Variants in IFT74 observed in about 807,000 individuals in gnomAD.
IFT74 encodes the protein intraflagellar transport protein 74 homolog.
A neutral mutation model predicts 96.7 loss-of-function variants in IFT74; 92 were observed. The observed-to-expected ratio is 0.95, with a 90% confidence interval of 0.80 to 1.13. The LOEUF is 1.13. Among genes scored for constraint, IFT74 ranks in the 50% most tolerant of loss-of-function variants. IFT74 has a pLI of 0.00. For missense variants in IFT74, 811 were observed against 698.2 expected (o/e 1.16, Z -1.82); for synonymous variants, 223 against 213.2 (o/e 1.05, Z -0.40).
At chr9:27,020,826 G>C (rs541956783) in intron 12 of IFT74, among the ~76,000 whole-genome samples, 3 of 152,140 alleles carry the variant, frequency 2.0e-5, no homozygotes, top group Admixed American at 2.0e-4. Flanking sequence ...TGGTTACATG[G>C]ATAATTTCTT....
chr9:26,975,731 G>C (rs988960927), intron 2 of IFT74, among the ~76,000 whole-genome samples: 1 of 152,160 alleles, frequency 6.6e-6, no homozygotes, highest in African/African-American at 2.4e-5. Context: ...AGGCTCTGAG[G>C]CTCAATCCCT....
chr9:26,950,081 G>A (rs1825882329), intron 1 of IFT74, among the ~76,000 whole-genome samples: 1 of 152,168 alleles, frequency 6.6e-6, no homozygotes. Context: ...GGGAGGCCAA[G>A]GCAGGTGGAT....
chr9:27,045,468 T>G (rs1819660191), intron 14 of IFT74, among the ~76,000 whole-genome samples: 1 of 152,182 alleles, frequency 6.6e-6, no homozygotes, highest in South Asian at 2.1e-4. Flanking sequence ...TATTTAGCTT[T>G]CCATAATACT....
intron 8 of IFT74, chr9:26,995,647 C>G: frequency 6.2e-7 from 1 of 1,613,788 alleles, no homozygotes; most frequent in Non-Finnish European, 8.5e-7. Flanking sequence ...TTTCTGGTAT[C>G]TGTGAAAGAG....
At chr9:27,026,269 A>G (rs1829855875) in intron 12 of IFT74, among the ~76,000 whole-genome samples, 1 of 152,202 alleles carries the variant, frequency 6.6e-6, no homozygotes, top group African/African-American at 2.4e-5. Flanking sequence ...GACTAATCAA[A>G]CAGGAAAATA....
Position 27,040,936 on chromosome 9 carries a change from T to C in IFT74, c.1055-3806T>C, listed in dbSNP as rs144029972. Among the ~76,000 whole-genome samples the C allele has an allele frequency of 6.6e-5, 10 of 152,280 alleles. No homozygotes were observed. In the East Asian group the frequency reaches 1.7e-3, roughly 27 times the overall value. On this transcript the variant is annotated intron_variant, in intron 13 of 19. Coordinates refer to ENST00000380062, the MANE Select transcript of IFT74 (RefSeq NM_025103.4). ...AGTAAAAGTATGGGGTGAACTTCCC[T>C]TGCAGTGAGGACAGAGGTAGTTTTG...
intron 8 of IFT74, chr9:27,005,639 C>G (rs1828737412): frequency 6.6e-6 from 1 of 151,362 alleles, no homozygotes; most frequent in East Asian, 1.9e-4. Context: ...GAAATTAACT[C>G]TGTTTCAACG....
At chr9:27,027,384 T>A (rs184853796) in intron 12 of IFT74, among the ~76,000 whole-genome samples, 1 of 152,154 alleles carries the variant, frequency 6.6e-6, no homozygotes, top group Non-Finnish European at 1.5e-5. Flanking sequence ...TATCAGACTT[T>A]CAAAGAATTG....
intron 8 of IFT74, among the ~76,000 whole-genome samples, chr9:26,992,591 G>A (rs578241422): frequency 6.6e-6 from 1 of 151,942 alleles, no homozygotes; most frequent in African/African-American, 2.4e-5. Flanking sequence ...TACTCAGGAG[G>A]CTGAGGCACG....
intron 2 of IFT74, among the ~76,000 whole-genome samples, chr9:26,969,347 T>A (rs1187434690): frequency 6.6e-6 from 1 of 152,032 alleles, no homozygotes; most frequent in Non-Finnish European, 1.5e-5. Flanking sequence ...TCTTTTTTTT[T>A]AAACTGTTTT....
At chr9:26,951,133 T>C (rs1187097376) in intron 1 of IFT74, among the ~76,000 whole-genome samples, 1 of 152,238 alleles carries the variant, frequency 6.6e-6, no homozygotes, top group Non-Finnish European at 1.5e-5. Flanking sequence ...GGACTAAACA[T>C]CACAGTTTGT....
chr9:26,993,055 T>G (rs942447710), intron 8 of IFT74: 4 of 152,254 alleles, frequency 2.6e-5, no homozygotes, highest in Non-Finnish European at 5.9e-5. Flanking sequence ...AATGATTCTC[T>G]TCTAATCCTG....
intron 12 of IFT74, among the ~76,000 whole-genome samples, chr9:27,025,096 G>T (rs543342861): frequency 6.6e-6 from 1 of 152,058 alleles, no homozygotes; most frequent in Admixed American, 6.6e-5. Context: ...ATGTATTTGA[G>T]GGAATAATCA....
rs190055321 is a variant in IFT74 at position 26,963,763 on chromosome 9, G to A, written c.120+1676G>A. 9.9e-3 allele frequency among the ~76,000 whole-genome samples: 1,500 copies of A among 152,170 alleles called. 19 individuals are homozygous for A. Among genetic ancestry groups the A allele is most frequent in the African/African-American group, 0.034 (1,409 of 41,470 alleles). Reference sequence around the variant, plus strand: ...TTGGCTGCATAAATGTCTTCTTTTGGGAAGTGTCGGTTGATGTCTTTCGCC... The same window carrying A: ...TTGGCTGCATAAATGTCTTCTTTTGAGAAGTGTCGGTTGATGTCTTTCGCC... On this transcript the variant is annotated intron_variant, in intron 2 of 19. Coordinates refer to ENST00000380062, the MANE Select transcript of IFT74 (RefSeq NM_025103.4).
At chr9:27,023,480 C>T (rs1035483013) in intron 12 of IFT74, among the ~76,000 whole-genome samples, 1 of 152,068 alleles carries the variant, frequency 6.6e-6, no homozygotes, top group Non-Finnish European at 1.5e-5. Flanking sequence ...TGTGTATGTT[C>T]ACTCATCCCT....
intron 5 of IFT74, 58 bp downstream of exon 5, chr9:26,984,413 T>A: frequency 6.3e-7 from 1 of 1,578,542 alleles, no homozygotes; most frequent in Non-Finnish European, 8.6e-7. Context: ...ACTAACTTTG[T>A]AGCTATCCAT....
intron 12 of IFT74, among the ~76,000 whole-genome samples, chr9:27,025,849 C>T (rs1211369656): frequency 6.6e-6 from 1 of 152,106 alleles, no homozygotes; most frequent in African/African-American, 2.4e-5. Context: ...AATCTTGAAA[C>T]AAAACCTCAA....
chr9:26,947,152 G>C, intron 1 of IFT74: 8 of 1,319,650 alleles, frequency 6.1e-6, no homozygotes, highest in African/African-American at 1.5e-5. Context: ...TGCAGGTAAG[G>C]GGCGGCCGGA....
chr9:27,006,410 C>T (rs1388230768), intron 8 of IFT74, among the ~76,000 whole-genome samples: 1 of 152,002 alleles, frequency 6.6e-6, no homozygotes, highest in Non-Finnish European at 1.5e-5. Context: ...CCAGCCCGGC[C>T]AACTTAGCAA....
Sources: allele counts gnomAD v4.1 joint callset (sites outside exome capture counted in the v4.1 genomes callset), GRCh38; gene constraint gnomAD v4.1.1; transcripts MANE v1.5; gene names NCBI Gene and HGNC (gene_info 2026-07-23, HGNC 2026-07-21).